Variants in EXO1 observed in about 807,000 individuals in gnomAD.
The protein encoded by EXO1 is exonuclease 1.
EXO1 carries 69 observed loss-of-function variants against 84.5 expected under a neutral mutation model. The ratio of observed to expected loss-of-function variants is 0.82; its 90% CI spans 0.67 to 1.00. EXO1 has a LOEUF of 1.00. Among genes scored for constraint, EXO1 ranks in the 50% least tolerant of loss-of-function variants. The probability of loss-of-function intolerance (pLI) is 0.00; values close to 1 mark genes in which losing one functional copy is unlikely to be tolerated. For synonymous variants in EXO1, 373 were observed against 366.1 expected (o/e 1.02, Z -0.21); for missense variants, 1,045 against 1,000.7 (o/e 1.04, Z -0.60).
At chr1:241,857,694 A>G (rs1661142962) in intron 7 of EXO1, among the ~76,000 whole-genome samples, 1 of 151,902 alleles carries the variant, frequency 6.6e-6, no homozygotes, top group Non-Finnish European at 1.5e-5. Context: ...TTTAAAATGA[A>G]AAGAAGGGTT....
intron 15 of EXO1, among the ~76,000 whole-genome samples, chr1:241,887,210 C>T (rs1663114687): frequency 2.6e-5 from 4 of 152,160 alleles, no homozygotes; most frequent in Admixed American, 1.3e-4. Flanking sequence ...AATCATGGCT[C>T]ACTGTACCCT....
chr1:241,875,655 G>A (rs1662350857), intron 12 of EXO1, among the ~76,000 whole-genome samples: 1 of 152,132 alleles, frequency 6.6e-6, no homozygotes, highest in Non-Finnish European at 1.5e-5. Context: ...AAGGCGGTCG[G>A]ATCATGAGGT....
At chr1:241,853,641 A>C (rs1322446524) in intron 6 of EXO1, among the ~76,000 whole-genome samples, 160 bp downstream of exon 6, 1 of 151,924 alleles carries the variant, frequency 6.6e-6, no homozygotes, top group Non-Finnish European at 1.5e-5. Context: ...TAGATAGAGA[A>C]GACTTCAGCA....
Position 241,878,999 on chromosome 1 carries a change from G to A in EXO1, c.1765G>A (p.Glu589Lys), listed in dbSNP as rs1047840. 0.38 allele frequency: 607,540 copies of A among 1,613,610 alleles called. 116,572 individuals carry two copies. Among genetic ancestry groups the A allele is most frequent in the African/African-American group, 0.47 (35,457 of 74,908 alleles). Residue 589 changes from glutamate to lysine, a missense_variant, in exon 13 of 16, where the codon GAG becomes AAG. Physicochemically the swap from Glu to Lys is moderately conservative, Grantham distance 56. Coordinates refer to ENST00000366548, the MANE Select transcript of EXO1 (RefSeq NM_130398.4). Reference protein sequence around the residue: ...VFTDEESYSFESSKFTRTISP... With the variant: ...VFTDEESYSFKSSKFTRTISP... Reference sequence around the variant, plus strand: ...TACAGATGAAGAGTCCTACTCTTTTGAGAGCAGCAAATTTACAAGGACCAT... The same window carrying A: ...TACAGATGAAGAGTCCTACTCTTTTAAGAGCAGCAAATTTACAAGGACCAT...
Position 241,860,720 on chromosome 1 carries a change from C to T in EXO1, c.944+16C>T. The T allele has an allele frequency of 6.3e-7, 1 of 1,596,866 alleles. No individual in the cohort carries two copies. Among genetic ancestry groups the T allele is most frequent in the Non-Finnish European group, 8.6e-7 (1 of 1,164,324 alleles). On this transcript the variant is annotated intron_variant, in intron 9 of 15. Coordinates refer to ENST00000366548, the MANE Select transcript of EXO1 (RefSeq NM_130398.4). Reference sequence around the variant, plus strand: ...ACGCTGGGCAGTATCCTTTCTGAAACAGAATGGTAGAATTTGTGCATTTTT... The same window carrying T: ...ACGCTGGGCAGTATCCTTTCTGAAATAGAATGGTAGAATTTGTGCATTTTT...
intron 11 of EXO1, among the ~76,000 whole-genome samples, chr1:241,871,158 C>A (rs1417942378): frequency 1.3e-5 from 2 of 152,162 alleles, no homozygotes; most frequent in African/African-American, 4.8e-5. Context: ...TTTTCTTCTT[C>A]TGCAAGGACT....
intron 6 of EXO1, among the ~76,000 whole-genome samples, chr1:241,855,315 G>A (rs556654099): frequency 1.3e-5 from 2 of 152,286 alleles, no homozygotes; most frequent in South Asian, 2.1e-4. Flanking sequence ...TCTACACAAA[G>A]GTTCTCCAAG....
chr1:241,887,798 C>G (rs1382952644), intron 15 of EXO1, among the ~76,000 whole-genome samples: 1 of 152,080 alleles, frequency 6.6e-6, no homozygotes, highest in Non-Finnish European at 1.5e-5. Flanking sequence ...GCCACCATGC[C>G]TTACTAATTT....
chr1:241,851,976 TGGG>T (rs1011774142), intron 4 of EXO1, among the ~76,000 whole-genome samples: 1 of 152,052 alleles, frequency 6.6e-6, no homozygotes, highest in Non-Finnish European at 1.5e-5. Context: ...TAACATAAAA[TGGG>T]GGGGAAAGAC....
At chr1:241,856,422 C>T (rs1446762371) in intron 6 of EXO1, among the ~76,000 whole-genome samples, 1 of 151,722 alleles carries the variant, frequency 6.6e-6, no homozygotes, top group Non-Finnish European at 1.5e-5. Context: ...AAAGTATTTT[C>T]TCATAATGCA....
At chr1:241,878,608 T>A (rs903591478) in intron 12 of EXO1, 141 bp from the exon 13 acceptor site, 56 of 602,584 alleles carry the variant, frequency 9.3e-5, no homozygotes, top group Non-Finnish European at 1.4e-4. Context: ...AATTTAAGAT[T>A]TTTTATGCCT....
chr1:241,870,193 G>C (rs1245022353), intron 11 of EXO1, among the ~76,000 whole-genome samples: 1 of 152,150 alleles, frequency 6.6e-6, no homozygotes, highest in Non-Finnish European at 1.5e-5. Context: ...GCAAGTTTGC[G>C]AGTTCTTTAT....
intron 10 of EXO1, among the ~76,000 whole-genome samples, chr1:241,861,994 A>G (rs1372513740): frequency 6.6e-6 from 1 of 152,078 alleles, no homozygotes; most frequent in Non-Finnish European, 1.5e-5. Context: ...GCTGGAGTGC[A>G]ATGGTGCGAT....
intron 6 of EXO1, among the ~76,000 whole-genome samples, chr1:241,855,970 T>C (rs1423157840): frequency 6.6e-6 from 1 of 152,048 alleles, no homozygotes; most frequent in African/African-American, 2.4e-5. Flanking sequence ...CCTCCACACC[T>C]CCCTGTAAGC....
At position 241,849,687 on chromosome 1, in the gene EXO1, C is replaced by T. The variant is rs4149856; in HGVS notation, c.-18+471C>T. Among the ~76,000 whole-genome samples the T allele has an allele frequency of 2.4e-3, 364 of 152,328 alleles. 3 individuals are homozygous for T. Among genetic ancestry groups the T allele is most frequent in the South Asian group, 0.014 (67 of 4,830 alleles). On this transcript the variant is annotated intron_variant, in intron 3 of 15. Coordinates refer to ENST00000366548, the MANE Select transcript of EXO1 (RefSeq NM_130398.4). ...GTTTTTTAATTGAAATACTTACCTT[C>T]CTACAAACTGTTTTGAGTTTCTACT...
In EXO1 at chr1:241,878,269, C is replaced by T. The variant is rs779739964; in HGVS notation, c.1515-480C>T. ...ATCCCAACACTTTGTGAGGCCAAGG[C>T]GGGCGGATCACCTGAGATCAGGAGT... On this transcript the variant is annotated intron_variant, in intron 12 of 15. Transcript: ENST00000366548. 3.2e-4 allele frequency among the ~76,000 whole-genome samples: 48 copies of T among 152,284 alleles called. No individual in the cohort carries two copies. In the Middle Eastern group the frequency reaches 0.01, roughly 32 times the overall value.
intron 11 of EXO1, 53 bp downstream of exon 11, chr1:241,867,108 A>C: frequency 3.8e-6 from 5 of 1,320,808 alleles, no homozygotes; most frequent in Non-Finnish European, 5.4e-6. Flanking sequence ...TATTTAAAGA[A>C]ATCATTGCCC....
At chr1:241,859,717 G>A (rs753004089) in intron 8 of EXO1, among the ~76,000 whole-genome samples, 3 of 152,144 alleles carry the variant, frequency 2.0e-5, no homozygotes, top group Non-Finnish European at 4.4e-5. Flanking sequence ...GCCTTATTAA[G>A]CCTCATTTGA....
At chr1:241,874,806 T>C (rs1018279558) in intron 12 of EXO1, among the ~76,000 whole-genome samples, 23 of 152,180 alleles carry the variant, frequency 1.5e-4, no homozygotes, top group Non-Finnish European at 2.8e-4. Flanking sequence ...GCCTTATAGA[T>C]AGATGATAAA....
Sources: allele counts gnomAD v4.1 joint callset (sites outside exome capture counted in the v4.1 genomes callset), GRCh38; gene constraint gnomAD v4.1.1; transcripts MANE v1.5; gene names NCBI Gene and HGNC (gene_info 2026-07-23, HGNC 2026-07-21).